The following UVRAG variants were observed in gnomAD, a reference collection of about 807,000 sequenced individuals.
The protein encoded by UVRAG is UV radiation resistance associated.
In UVRAG, 19 loss-of-function variants were observed where a neutral mutation model predicts 78.0. The observed-to-expected ratio is 0.24, with a 90% CI of 0.17 to 0.36. UVRAG has a LOEUF of 0.36. UVRAG is among the 10% of genes least tolerant of loss of function. The pLI is 1.00. For missense variants in UVRAG, 740 were observed against 853.8 expected (o/e 0.87, Z 1.66); for synonymous variants, 323 against 324.6 (o/e 1.00, Z 0.05).
chr11:76,008,494 G>C (rs1274359931), intron 10 of UVRAG, among the ~76,000 whole-genome samples: 1 of 152,158 alleles, frequency 6.6e-6, no homozygotes, highest in African/African-American at 2.4e-5. Flanking sequence ...AATAGGATTT[G>C]AGTTTGCTTA....
intron 6 of UVRAG, among the ~76,000 whole-genome samples, chr11:75,923,692 G>A (rs948273602): frequency 1.3e-5 from 2 of 152,098 alleles, no homozygotes; most frequent in African/African-American, 4.8e-5. Context: ...AATCCCTTTA[G>A]TACTCATCGC....
At chr11:75,882,698 C>G (rs1219681596) in intron 4 of UVRAG, among the ~76,000 whole-genome samples, 1 of 152,110 alleles carries the variant, frequency 6.6e-6, no homozygotes, top group Non-Finnish European at 1.5e-5. Context: ...CAAGCCTCCT[C>G]CCCTCCACGC....
At chr11:75,955,989 G>A (rs1199009212) in intron 6 of UVRAG, among the ~76,000 whole-genome samples, 1 of 152,138 alleles carries the variant, frequency 6.6e-6, no homozygotes, top group Non-Finnish European at 1.5e-5. Flanking sequence ...TGTCACCATA[G>A]GTTGGTTTTA....
chr11:75,827,503 C>T (rs1353159061), intron 1 of UVRAG, among the ~76,000 whole-genome samples: 2 of 152,048 alleles, frequency 1.3e-5, no homozygotes, highest in African/African-American at 4.8e-5. Context: ...CCCAGCTACT[C>T]AGGAGGCTGA....
At chr11:76,125,055 C>T (rs1420645704) in intron 14 of UVRAG, among the ~76,000 whole-genome samples, 1 of 152,202 alleles carries the variant, frequency 6.6e-6, no homozygotes, top group East Asian at 1.9e-4. Context: ...TCCTTTCTGT[C>T]CATCATCCTT....
intron 7 of UVRAG, 76 bp downstream of exon 7, chr11:75,961,625 T>A (rs1948912875): frequency 8.7e-7 from 1 of 1,152,818 alleles, no homozygotes; most frequent in South Asian, 1.7e-5. Context: ...AGGGTTAATT[T>A]TAAAAAACGC....
intron 8 of UVRAG, among the ~76,000 whole-genome samples, chr11:76,001,468 A>C (rs980221997): frequency 1.3e-5 from 2 of 152,254 alleles, no homozygotes; most frequent in Non-Finnish European, 2.9e-5. Context: ...CTAATCAGTG[A>C]AACTGGAAAC....
intron 4 of UVRAG, among the ~76,000 whole-genome samples, chr11:75,883,670 A>G (rs1947006433): frequency 6.6e-6 from 1 of 152,210 alleles, no homozygotes; most frequent in Admixed American, 6.5e-5. Flanking sequence ...GACCCGGTGT[A>G]CTGATGATTG....
rs138385683 is a variant in UVRAG, at chr11:75,891,092, C to A, written c.507+2189C>A. 3.2e-4 allele frequency among the ~76,000 whole-genome samples: 49 copies of A among 152,188 alleles called. No individual in the cohort carries two copies. The East Asian group carries it at 7.5e-3, about 23-fold the overall frequency. ...CAAACTCTGATAGACATTTTTCTTT[C>A]TTTATTTCAAAGCTCTCCTCTTCTA... is the stretch of plus-strand genomic sequence containing the variant. On this transcript the variant is annotated intron_variant, in intron 5 of 14. Transcript: ENST00000356136.
At chr11:75,860,316 A>G (rs1946390791) in intron 2 of UVRAG, among the ~76,000 whole-genome samples, 1 of 152,154 alleles carries the variant, frequency 6.6e-6, no homozygotes, top group Admixed American at 6.5e-5. Flanking sequence ...TATTGCAAAA[A>G]CTGTTTAATT....
intron 7 of UVRAG, among the ~76,000 whole-genome samples, chr11:75,965,500 A>G (rs769341606): frequency 6.6e-6 from 1 of 152,104 alleles, no homozygotes; most frequent in Non-Finnish European, 1.5e-5. Context: ...TATTTTTAGT[A>G]GAGACGGGGG....
At chr11:75,865,678 G>T (rs1290940256) in intron 3 of UVRAG, among the ~76,000 whole-genome samples, 1 of 151,356 alleles carries the variant, frequency 6.6e-6, no homozygotes, top group Non-Finnish European at 1.5e-5. Context: ...GCAGTGGCAC[G>T]ATCTCGGCTC....
rs559208818 is a variant in UVRAG at position 75,840,786 on chromosome 11, C to A, written c.118-11097C>A. 5.3e-5 allele frequency among the ~76,000 whole-genome samples: 8 copies of A among 152,268 alleles called. No homozygotes were observed. In the South Asian group the frequency reaches 1.4e-3, roughly 28 times the overall value. On this transcript the variant is annotated intron_variant, in intron 1 of 14. Transcript: ENST00000356136. Reference sequence around the variant, plus strand: ...GGCACCATTTGCTTATAGCCAGTAGCCCCAGGCACTAGTTTTAAAGCATTC... The same window carrying A: ...GGCACCATTTGCTTATAGCCAGTAGACCCAGGCACTAGTTTTAAAGCATTC...
At chr11:76,017,139 A>G (rs1449380041) in intron 12 of UVRAG, among the ~76,000 whole-genome samples, 159 bp downstream of exon 12, 1 of 152,168 alleles carries the variant, frequency 6.6e-6, no homozygotes, top group African/African-American at 2.4e-5. Context: ...ATTATGTGAA[A>G]CTAGTTATTC....
intron 6 of UVRAG, chr11:75,916,592 T>C (rs1947861761): frequency 6.6e-6 from 1 of 152,224 alleles, no homozygotes; most frequent in East Asian, 1.9e-4. Flanking sequence ...TTCTTCTTGC[T>C]CACTGCCCAG....
chr11:76,139,783 T>C (rs1296712004), intron 14 of UVRAG, among the ~76,000 whole-genome samples: 1 of 152,202 alleles, frequency 6.6e-6, no homozygotes, highest in African/African-American at 2.4e-5. Flanking sequence ...ATAGGGTTTT[T>C]GTAAAGACTA....
At chr11:76,136,675 T>G (rs1052543747) in intron 14 of UVRAG, among the ~76,000 whole-genome samples, 1 of 151,392 alleles carries the variant, frequency 6.6e-6, no homozygotes, top group Non-Finnish European at 1.5e-5. Context: ...TTTTTTAATT[T>G]TTTATAGAGA....
chr11:75,889,492 T>C (rs1410785259), intron 5 of UVRAG, among the ~76,000 whole-genome samples: 1 of 152,212 alleles, frequency 6.6e-6, no homozygotes, highest in Non-Finnish European at 1.5e-5. Flanking sequence ...ATGAGCTTCG[T>C]AGGTTCACCC....
chr11:75,892,175 G>GT (rs1490548615), intron 5 of UVRAG, among the ~76,000 whole-genome samples: 4 of 152,136 alleles, frequency 2.6e-5, no homozygotes, highest in African/African-American at 9.7e-5. Flanking sequence ...TGTATGCGTG[G>GT]TTAGACAGGT....
Sources: gnomAD v4.1 joint callset for allele counts (sites outside exome capture counted in the v4.1 genomes callset) on GRCh38, gnomAD v4.1.1 for gene constraint, MANE v1.5 for transcripts, NCBI Gene and HGNC (gene_info 2026-07-23, HGNC 2026-07-21) for gene names.